Variants in TBXAS1 observed in about 807,000 individuals in gnomAD.
TBXAS1 encodes the protein thromboxane A synthase 1, also known as thromboxane-A synthase.
Under a neutral mutation model 60.7 loss-of-function variants are expected in TBXAS1, and 48 were observed. The observed-to-expected ratio is 0.79, with a 90% CI of 0.63 to 1.01. The LOEUF is 1.01. Among genes scored for constraint, TBXAS1 ranks in the 50% least tolerant of loss-of-function variants. The probability of loss-of-function intolerance (pLI) is 0.00; values close to 1 mark genes in which losing one functional copy is unlikely to be tolerated. For synonymous variants in TBXAS1, 287 were observed against 269.7 expected (o/e 1.06, Z -0.63); for missense variants, 685 against 686.3 (o/e 1.00, Z 0.02).
chr7:139,903,438 C>A (rs1804734238), intron 3 of TBXAS1, among the ~76,000 whole-genome samples: 2 of 151,948 alleles, frequency 1.3e-5, no homozygotes, highest in East Asian at 1.9e-4. Flanking sequence ...ATAATGACTT[C>A]TTTTCCTCTG....
chr7:139,795,530 T>C (rs1797540369), intron 4 of TBXAS1, among the ~76,000 whole-genome samples: 1 of 127,850 alleles, frequency 7.8e-6, no homozygotes, highest in South Asian at 3.0e-4. Context: ...TTAGATCCCA[T>C]TTGTCAATTT....
Position 139,832,804 on chromosome 7 carries a change from T to C in TBXAS1, c.89+3325T>C, listed in dbSNP as rs576388466. On this transcript the variant is annotated intron_variant, in intron 1 of 12. Coordinates refer to ENST00000448866, the MANE Select transcript of TBXAS1 (RefSeq NM_001061.7). ...AGCTAGAAGGGATTGGGGCCCTGTC[T>C]TCCAGCTTCTCAAACAAATCAATTA... 4.6e-5 allele frequency among the ~76,000 whole-genome samples: 7 copies of C among 152,356 alleles called. No individual in the cohort carries two copies. In the South Asian group the frequency reaches 8.3e-4, roughly 18 times the overall value.
intron 9 of TBXAS1, among the ~76,000 whole-genome samples, chr7:139,973,059 G>T (rs1811325483): frequency 1.3e-5 from 2 of 152,012 alleles, no homozygotes; most frequent in Admixed American, 1.3e-4. Flanking sequence ...CAGGTTGAAG[G>T]CAACACTTGG....
At chr7:139,911,113 C>A (rs1249053920) in intron 3 of TBXAS1, 112 bp from the exon 4 acceptor site, 2 of 897,514 alleles carry the variant, frequency 2.2e-6, no homozygotes, top group African/African-American at 1.6e-5. Flanking sequence ...CGTCTCCATA[C>A]CTTTACTTCC....
At chr7:139,876,466 C>T (rs1019938083) in intron 3 of TBXAS1, among the ~76,000 whole-genome samples, 2 of 152,104 alleles carry the variant, frequency 1.3e-5, no homozygotes, top group African/African-American at 4.8e-5. Context: ...TGCAGCTTTT[C>T]GTAGACCTCT....
chr7:139,900,268 T>G (rs1804463086), intron 3 of TBXAS1, among the ~76,000 whole-genome samples: 1 of 152,240 alleles, frequency 6.6e-6, no homozygotes, highest in Non-Finnish European at 1.5e-5. Flanking sequence ...CAGAGATAAC[T>G]TAGTTTTCAC....
At chr7:139,983,389 T>C (rs1015119753) in intron 9 of TBXAS1, among the ~76,000 whole-genome samples, 2 of 152,252 alleles carry the variant, frequency 1.3e-5, no homozygotes, top group African/African-American at 4.8e-5. Context: ...ATGAAGTCGG[T>C]AGGGTATCTG....
intron 9 of TBXAS1, among the ~76,000 whole-genome samples, chr7:139,977,974 A>G (rs2117486262): frequency 6.6e-6 from 1 of 152,284 alleles, no homozygotes; most frequent in South Asian, 2.1e-4. Flanking sequence ...TAACACACGG[A>G]CCATTCAGTG....
At chr7:139,813,787 T>C (rs1262812767) in intron 4 of TBXAS1, among the ~76,000 whole-genome samples, 5 of 152,244 alleles carry the variant, frequency 3.3e-5, no homozygotes, top group Non-Finnish European at 7.3e-5. Flanking sequence ...AATGTGTATG[T>C]ATCTTTTTCT....
rs1264929188 is a variant in TBXAS1, at chr7:139,951,894, G to A, written c.451-1474G>A. ...AGGAAGGAAGGAAAGAAGGAAGGAA[G>A]GAAGGAAAGAAAGAGAAAGAAAGAG... On this transcript the variant is annotated intron_variant, in intron 5 of 12. Coordinates refer to ENST00000448866, the MANE Select transcript of TBXAS1 (RefSeq NM_001061.7). 7.5e-3 allele frequency among the ~76,000 whole-genome samples: 154 copies of A among 20,608 alleles called. 13 individuals carry two copies. The highest frequency in any genetic ancestry group is 0.013 in the Non-Finnish European group (131 of 9,792). 13.5% of individuals were successfully genotyped at this position (20,608 alleles called of 152,430 possible). A position where few individuals can be genotyped will look rare whatever the true frequency, so the allele number is the denominator to read the frequency against.
At chr7:139,829,992 GT>G (rs1798598385) in intron 1 of TBXAS1, among the ~76,000 whole-genome samples, 2 of 152,276 alleles carry the variant, frequency 1.3e-5, no homozygotes, top group South Asian at 4.1e-4. Flanking sequence ...ATTTCTCATA[GT>G]TGATAGAGGG....
chr7:139,922,176 A>G (rs1344729119), intron 4 of TBXAS1, among the ~76,000 whole-genome samples: 1 of 148,920 alleles, frequency 6.7e-6, no homozygotes, highest in Non-Finnish European at 1.5e-5. Context: ...ATCTCAGCTC[A>G]CTACAACCTC....
chr7:139,862,088 G>A (rs910107144), intron 1 of TBXAS1, among the ~76,000 whole-genome samples: 1 of 152,224 alleles, frequency 6.6e-6, no homozygotes, highest in Non-Finnish European at 1.5e-5. Flanking sequence ...AACAGATTTA[G>A]TGGGTAAATT....
chr7:139,830,285 T>C (rs1254479032), intron 1 of TBXAS1, among the ~76,000 whole-genome samples: 1 of 152,172 alleles, frequency 6.6e-6, no homozygotes, highest in East Asian at 1.9e-4. Flanking sequence ...GAAAAAATAA[T>C]GGAGGACTGG....
chr7:139,988,023 A>T (rs1381085994), intron 9 of TBXAS1, among the ~76,000 whole-genome samples: 3 of 152,180 alleles, frequency 2.0e-5, no homozygotes, highest in Admixed American at 6.5e-5. Context: ...CAATCACAGC[A>T]TCCTATGGAC....
In TBXAS1 at chr7:139,986,791, GTGTGTGTGTATATATATATATA is replaced by G. The variant is rs764448197; in HGVS notation, c.1135-20298_1135-20277del. Among the ~76,000 whole-genome samples, 226 of 42,240 alleles carry G rather than the reference GTGTGTGTGTATATATATATATA, an allele frequency of 5.4e-3. 3 individuals are homozygous for G. In the East Asian group the frequency reaches 0.098, roughly 18 times the overall value. The allele number at this position is 42,240 out of a possible 152,430, so 27.7% of individuals were successfully genotyped here. A position where few individuals can be genotyped will look rare whatever the true frequency, so the allele number is the denominator to read the frequency against. ...TGTGTGTGTGTGTGTGTGTGTGTGT[GTGTGTGTGTATATATATATATA>G]TATACACCATAGTTTCTTTATCCAC... On this transcript the variant is annotated intron_variant, in intron 9 of 12. Coordinates refer to ENST00000448866, the MANE Select transcript of TBXAS1 (RefSeq NM_001061.7).
At chr7:139,955,651 G>C in intron 7 of TBXAS1, 44 bp downstream of exon 7, 4 of 1,611,600 alleles carry the variant, frequency 2.5e-6, no homozygotes, top group Non-Finnish European at 3.4e-6. Flanking sequence ...ACTCCAGCAA[G>C]TTGGGCAGAC....
intron 2 of TBXAS1, 73 bp from the exon 3 acceptor site, chr7:139,875,512 G>T (rs1802159070): frequency 7.8e-7 from 1 of 1,282,460 alleles, no homozygotes; most frequent in Non-Finnish European, 1.1e-6. Context: ...GTTCCAAATT[G>T]TTTACTGAAT....
rs1321110648 is a variant in TBXAS1, at chr7:139,852,943, C to CAT, written c.90-19291_90-19290insTA. Among the ~76,000 whole-genome samples, 54 of 36,188 alleles carry CAT rather than the reference C, an allele frequency of 1.5e-3. 1 individual carries two copies. The African/African-American group carries it at 0.018, about 12-fold the overall frequency. 23.7% of individuals were successfully genotyped at this position (36,188 alleles called of 152,430 possible). A position where few individuals can be genotyped will look rare whatever the true frequency, so the allele number is the denominator to read the frequency against. On this transcript the variant is annotated intron_variant, in intron 1 of 12. Coordinates refer to ENST00000448866, the MANE Select transcript of TBXAS1 (RefSeq NM_001061.7). This position sits in a 1 kb window ranked among gnomAD's most constrained non-coding sequence, Gnocchi z 4.4. The stretch of plus-strand genomic sequence containing the variant: ...AACCTTGGCTACTCCAATACACACA[C>CAT]ACACACACACACACACACACACACA...
Sources: allele counts gnomAD v4.1 joint callset (sites outside exome capture counted in the v4.1 genomes callset), GRCh38; gene constraint gnomAD v4.1.1; non-coding constraint Gnocchi (gnomAD v3.1); transcripts MANE v1.5; gene names NCBI Gene and HGNC (gene_info 2026-07-23, HGNC 2026-07-21).